The following WDR43 variants were observed in gnomAD, a reference collection of about 807,000 sequenced individuals.
WDR43 encodes WD repeat-containing protein 43.
In WDR43, 13 loss-of-function variants were observed where a neutral mutation model predicts 91.4. The observed-to-expected ratio is 0.14, with a 90% CI of 0.09 to 0.23. The LOEUF is 0.23. WDR43 is among the 10% of genes least tolerant of loss of function. WDR43 has a pLI of 1.00. For missense variants in WDR43, 780 were observed against 809.4 expected, an observed-to-expected ratio of 0.96 and a Z score of 0.44; for synonymous variants, 331 against 287.9, an observed-to-expected ratio of 1.15 and a Z score of -1.51.
intron 9 of WDR43, among the ~76,000 whole-genome samples, chr2:28,926,784 TC>T (rs1268703253): frequency 2.6e-5 from 4 of 152,276 alleles, no homozygotes; most frequent in African/African-American, 9.6e-5. Flanking sequence ...ATGTGGTTCT[TC>T]CCTGCCCACC....
rs199555000 is a variant in WDR43 at position 28,941,445 on chromosome 2, T to A, written c.1621-16T>A. On this transcript the variant is annotated splice_polypyrimidine_tract_variant and intron_variant, in intron 14 of 17. Coordinates refer to ENST00000407426, the MANE Select transcript of WDR43 (RefSeq NM_015131.3). The stretch of plus-strand genomic sequence containing the variant: ...CTAATACGTTAATAGTGCCAAATGA[T>A]CATTTTTTTCTCTAGTTGCCTGACC... 6 of 1,593,794 alleles carry A rather than the reference T, an allele frequency of 3.8e-6. No homozygotes were observed. The African/African-American group carries it at 8.0e-5, about 21-fold the overall frequency.
chr2:28,926,416 C>CTTT, intron 8 of WDR43, 52 bp from the exon 9 acceptor site: 3 of 1,222,448 alleles, frequency 2.5e-6, no homozygotes, highest in African/African-American at 1.6e-5. Flanking sequence ...GTTTGACACT[C>CTTT]TTTTTTTTTT....
chr2:28,908,579 T>C lies in WDR43; in HGVS notation c.485+1998T>C, dbSNP rs1372299634. ...AGCCATTCAACACGTGTGCGTTTTA[T>C]TGTATGTAATCATAAGCCTGTGAGG... On this transcript the variant is annotated intron_variant, in intron 3 of 17. Coordinates refer to ENST00000407426, the MANE Select transcript of WDR43 (RefSeq NM_015131.3). Among the ~76,000 whole-genome samples, 3 of 148,564 alleles carry C rather than the reference T, an allele frequency of 2.0e-5. No homozygotes were observed. In the South Asian group the frequency reaches 6.6e-4, roughly 32 times the overall value.
chr2:28,926,986 G>T (rs558389351), intron 9 of WDR43: 80 of 497,474 alleles, frequency 1.6e-4, no homozygotes, highest in Non-Finnish European at 2.7e-4. Context: ...GCATCATCAT[G>T]GTGCTCCATT....
intron 15 of WDR43, 96 bp downstream of exon 15, chr2:28,941,670 G>A (rs572706126): frequency 2.8e-5 from 26 of 931,468 alleles, no homozygotes; most frequent in Non-Finnish European, 3.4e-5. Context: ...TTGCTCTGTC[G>A]CTCAGGCTGC....
At chr2:28,929,064 A>G (rs1671195734) in intron 10 of WDR43, among the ~76,000 whole-genome samples, 1 of 152,258 alleles carries the variant, frequency 6.6e-6, no homozygotes. Flanking sequence ...TAGTTGTAGT[A>G]TAGCATATTC....
intron 1 of WDR43, 49 bp from the exon 2 acceptor site, chr2:28,901,938 T>C (rs1670583959): frequency 6.6e-7 from 1 of 1,526,016 alleles, no homozygotes. Context: ...TTAACGATGT[T>C]TTAGTATTTG....
At chr2:28,935,048 T>C (rs1463231825) in intron 11 of WDR43, among the ~76,000 whole-genome samples, 2 of 152,152 alleles carry the variant, frequency 1.3e-5, no homozygotes, top group Non-Finnish European at 2.9e-5. Flanking sequence ...CTTAAAGGGT[T>C]TTGATTCAAG....
At chr2:28,941,415 C>A in intron 14 of WDR43, 46 bp from the exon 15 acceptor site, 2 of 1,447,012 alleles carry the variant, frequency 1.4e-6, no homozygotes, top group South Asian at 1.2e-5. Flanking sequence ...GCGTGTTCGT[C>A]ATCTCTAATA....
At chr2:28,904,165 A>T (rs924108525) in intron 2 of WDR43, among the ~76,000 whole-genome samples, 1 of 152,122 alleles carries the variant, frequency 6.6e-6, no homozygotes, top group Non-Finnish European at 1.5e-5. Flanking sequence ...TTCGACAGGG[A>T]TGAATTTATC....
Position 28,894,689 on chromosome 2 carries a change from C to T in WDR43, c.-10C>T. ...GACGAACACGTGGCTGCAGCGGGGC[C>T]AGAGCAGCAATGGCGGCGGGCGGCG... is the stretch of plus-strand genomic sequence containing the variant. On this transcript the variant is annotated 5_prime_UTR_variant, in exon 1 of 18. Transcript: ENST00000407426. The T allele has an allele frequency of 2.6e-6, 4 of 1,553,988 alleles. No homozygotes were observed. Among genetic ancestry groups the T allele is most frequent in the Middle Eastern group, 1.7e-4 (1 of 5,742 alleles).
At chr2:28,922,407 A>G (rs1025770312) in intron 6 of WDR43, among the ~76,000 whole-genome samples, 1 of 152,194 alleles carries the variant, frequency 6.6e-6, no homozygotes, top group Non-Finnish European at 1.5e-5. Context: ...AGGAGCATGC[A>G]GAGAGCCTAG....
chr2:28,900,218 GTC>G lies in WDR43; in HGVS notation c.226-1765_226-1764del, dbSNP rs1641593800. Reference sequence around the variant, plus strand: ...TTTCGTTTTGTTTTGTTTGAGATGAGTCTCTGTCGCCCAGGCTGGAGTGTAGT... The same window carrying G: ...TTTCGTTTTGTTTTGTTTGAGATGAGTCTGTCGCCCAGGCTGGAGTGTAGT... On this transcript the variant is annotated intron_variant, in intron 1 of 17. Coordinates refer to ENST00000407426, the MANE Select transcript of WDR43 (RefSeq NM_015131.3). Among the ~76,000 whole-genome samples the G allele has an allele frequency of 7.2e-5, 11 of 152,234 alleles. No homozygotes were observed. The South Asian group carries it at 2.3e-3, about 32-fold the overall frequency.
intron 3 of WDR43, among the ~76,000 whole-genome samples, chr2:28,911,821 G>A (rs1424918720): frequency 2.0e-5 from 3 of 150,496 alleles, no homozygotes; most frequent in Non-Finnish European, 4.4e-5. Context: ...TCAGGGTCTC[G>A]CTGTATTGCC....
At position 28,940,127 on chromosome 2, in the gene WDR43, A is replaced by AG. The variant is rs950534158; in HGVS notation, c.1621-1334_1621-1333insG. Among the ~76,000 whole-genome samples, 119 of 151,654 alleles carry AG rather than the reference A, an allele frequency of 7.8e-4. No individual in the cohort carries two copies. The South Asian group carries it at 0.023, about 30-fold the overall frequency. ...ACTCCGTCTCAAAAAAAAAAAAAAAAAAGAATGGAGTCCGTTTTTCTGTAG... is the reference window on the plus strand; with the variant it reads ...ACTCCGTCTCAAAAAAAAAAAAAAAAGAAGAATGGAGTCCGTTTTTCTGTAG... On this transcript the variant is annotated intron_variant, in intron 14 of 17. Coordinates refer to ENST00000407426, the MANE Select transcript of WDR43 (RefSeq NM_015131.3).
At chr2:28,895,131 C>G (rs922803711) in intron 1 of WDR43, 2 of 409,886 alleles carry the variant, frequency 4.9e-6, no homozygotes, top group Non-Finnish European at 8.1e-6. Flanking sequence ...GCAGCTCGAC[C>G]CGGCCGGCCT....
At chr2:28,924,237 AAG>A (rs1479632137) in intron 7 of WDR43, among the ~76,000 whole-genome samples, 2 of 152,294 alleles carry the variant, frequency 1.3e-5, no homozygotes, top group Admixed American at 1.3e-4. Context: ...GGAAACCACT[AAG>A]AAAGGAATTC....
chr2:28,927,770 G>C, intron 10 of WDR43, 70 bp downstream of exon 10: 1 of 1,591,756 alleles, frequency 6.3e-7, no homozygotes, highest in Non-Finnish European at 8.6e-7. Context: ...TAACAAGTGT[G>C]TTGGATAGAG....
In WDR43 at chr2:28,927,648, C is replaced by G. The variant is rs1455137746; in HGVS notation, c.1253C>G (p.Ala418Gly). 1 of 1,613,926 alleles carries G rather than the reference C, an allele frequency of 6.2e-7. No homozygotes were observed. Among genetic ancestry groups the G allele is most frequent in the East Asian group, 2.2e-5 (1 of 44,884 alleles). Residue 418 changes from alanine (A) to glycine (G), a missense_variant, in exon 10 of 18, where the codon GCT becomes GGT. Ala to Gly is a moderately conservative substitution (Grantham distance 60). Around this residue, in one of 4 missense-constraint regions of WDR43, gnomAD observed 426 missense variants for 467.8 expected, o/e 0.91. Coordinates refer to ENST00000407426, the MANE Select transcript of WDR43 (RefSeq NM_015131.3). ...IPGHHAAIKP[A>G]PPQTEQVESK... ...GGTCATCATGCAGCTATCAAGCCCG[C>G]TCCTCCACAAACCGAGCAAGTAGAG...
Sources: allele counts gnomAD v4.1 joint callset (sites outside exome capture counted in the v4.1 genomes callset), GRCh38; gene constraint gnomAD v4.1.1; regional missense constraint gnomAD v4.1.1; transcripts MANE v1.5; gene names NCBI Gene and HGNC (gene_info 2026-07-23, HGNC 2026-07-21).